SPAG1: variants seen among roughly 807,000 people sequenced by gnomAD.
SPAG1 encodes sperm associated antigen 1.
In SPAG1, 69 loss-of-function variants were observed where a neutral mutation model predicts 100.5. The observed-to-expected ratio is 0.69, with a 90% CI of 0.57 to 0.84. The LOEUF is 0.84. Ranked by LOEUF, SPAG1 falls within the 40% of genes least tolerant of loss-of-function variation. The probability of loss-of-function intolerance (pLI) is 0.00; values close to 1 mark genes in which losing one functional copy is unlikely to be tolerated. For synonymous variants in SPAG1, 336 were observed against 411.6 expected, an observed-to-expected ratio of 0.82 and a Z score of 2.22; for missense variants, 955 against 1,133.1, an observed-to-expected ratio of 0.84 and a Z score of 2.26.
Position 100,213,321 on chromosome 8 carries a change from A to C in SPAG1, c.1328A>C (p.Glu443Ala). 7.9e-7 allele frequency: 1 copy of C among 1,261,270 alleles called. No individual in the cohort carries two copies. The allele number at this position is 1,261,270 out of a possible 1,614,324, so 78.1% of individuals were successfully genotyped here. A position where few individuals can be genotyped will look rare whatever the true frequency, so the allele number is the denominator to read the frequency against. The change falls in exon 11 of 19, where the codon GAG becomes GCG. Residue 443 changes from glutamate to alanine, a missense_variant. Transcript: ENST00000388798. ...TGHPGGGQGAENPAGLKSQGN... is the reference protein window; with the variant it reads ...TGHPGGGQGAANPAGLKSQGN... ...CATCCGGGCGGCGGGCAGGGCGCGG[A>C]GAACCCTGCCGGCCTGAAGAGCCAG...
intron 7 of SPAG1, chr8:100,185,333 A>C (rs1024620013): frequency 6.6e-6 from 1 of 152,252 alleles, no homozygotes; most frequent in African/African-American, 2.4e-5. Flanking sequence ...TCTTCACCTT[A>C]CTTCTTTGGA....
intron 12 of SPAG1, among the ~76,000 whole-genome samples, chr8:100,218,238 G>A (rs556920326): frequency 5.1e-4 from 78 of 152,174 alleles, no homozygotes; most frequent in African/African-American, 1.8e-3. Context: ...ATACATGGGT[G>A]GTTTTTTTCC....
chr8:100,204,718 T>C (rs1049857257), intron 10 of SPAG1, among the ~76,000 whole-genome samples: 4 of 152,134 alleles, frequency 2.6e-5, no homozygotes, highest in Admixed American at 2.6e-4. Context: ...CCAGAAGATA[T>C]ACCCTTGATG....
intron 13 of SPAG1, 118 bp from the exon 14 acceptor site, chr8:100,225,055 G>C (rs1818444969): frequency 1.5e-6 from 1 of 666,566 alleles, no homozygotes; most frequent in Non-Finnish European, 2.6e-6. Context: ...AGGATTGCAT[G>C]TTTTCTACAA....
chr8:100,213,180 G>A lies in SPAG1; in HGVS notation c.1187G>A (p.Gly396Asp). 2 of 1,471,186 alleles carry A rather than the reference G, an allele frequency of 1.4e-6. No individual in the cohort carries two copies. The highest frequency in any genetic ancestry group is 1.8e-6 in the Non-Finnish European group (2 of 1,117,320). 91.1% of individuals were successfully genotyped at this position (1,471,186 alleles called of 1,614,324 possible). The change falls in exon 11 of 19, where the codon GGC becomes GAC. Residue 396 changes from glycine to aspartate, a missense_variant. Gly to Asp is a moderately conservative substitution (Grantham distance 94). Transcript: ENST00000388798. ...AAGCTGACTGGCAAAGCCGAAGGCGGCAAGCGGCCGGCAAGGGGCGCGCCG... is the reference window on the plus strand; with the variant it reads ...AAGCTGACTGGCAAAGCCGAAGGCGACAAGCGGCCGGCAAGGGGCGCGCCG... ...QKKLTGKAEG[G>D]KRPARGAPQR... is the part of the protein sequence containing the mutation.
At chr8:100,188,045 G>A (rs948786772) in intron 8 of SPAG1, among the ~76,000 whole-genome samples, 7 of 152,138 alleles carry the variant, frequency 4.6e-5, no homozygotes, top group Non-Finnish European at 8.8e-5. Context: ...TAGAGAGACG[G>A]GGTTTCACCA....
intron 2 of SPAG1, chr8:100,165,406 C>G (rs1341275229): frequency 6.5e-6 from 3 of 462,262 alleles, no homozygotes; most frequent in Admixed American, 2.4e-5. Context: ...GGTGTACTTT[C>G]AGGAACAGAG....
chr8:100,238,109 C>G (rs1819090046), intron 16 of SPAG1, among the ~76,000 whole-genome samples: 1 of 152,128 alleles, frequency 6.6e-6, no homozygotes, highest in South Asian at 2.1e-4. Context: ...TCAACTTGCC[C>G]TCCTGCTCCA....
chr8:100,162,620 T>C (rs897630680), intron 2 of SPAG1, among the ~76,000 whole-genome samples, 200 bp downstream of exon 2: 1 of 152,214 alleles, frequency 6.6e-6, no homozygotes, highest in Non-Finnish European at 1.5e-5. Flanking sequence ...GGCTAATTAA[T>C]ATCCAGGAGG....
chr8:100,210,656 C>A (rs78946133), intron 10 of SPAG1, among the ~76,000 whole-genome samples: 1 of 151,992 alleles, frequency 6.6e-6, no homozygotes, highest in African/African-American at 2.4e-5. Flanking sequence ...TCCTTATGAG[C>A]CTTTGAGTGA....
intron 10 of SPAG1, among the ~76,000 whole-genome samples, chr8:100,208,461 GA>G (rs755453481): frequency 3.3e-5 from 5 of 152,170 alleles, no homozygotes; most frequent in Admixed American, 6.6e-5. Flanking sequence ...CTTCAGGAAT[GA>G]AAGTTTGGAT....
At chr8:100,233,230 T>C in intron 15 of SPAG1, 181 bp from the exon 16 acceptor site, 1 of 591,728 alleles carries the variant, frequency 1.7e-6, no homozygotes, top group Non-Finnish European at 3.0e-6. Flanking sequence ...GCTGTGACTG[T>C]ATTTTGTTTG....
At chr8:100,159,653 T>A (rs189580118) in intron 1 of SPAG1, among the ~76,000 whole-genome samples, 213 of 152,372 alleles carry the variant, frequency 1.4e-3, no homozygotes, top group Non-Finnish European at 2.6e-3. Flanking sequence ...ATAATTTCCA[T>A]TTATATAGAC....
intron 9 of SPAG1, among the ~76,000 whole-genome samples, chr8:100,192,098 CAG>C (rs746428840): frequency 1.2e-4 from 18 of 152,160 alleles, no homozygotes; most frequent in Non-Finnish European, 2.4e-4. Context: ...CCAAGTCCCA[CAG>C]GGGTGACATA....
At position 100,225,294 on chromosome 8, in the gene SPAG1, A is replaced by G; in HGVS notation, c.1810A>G (p.Lys604Glu). 6 of 1,613,982 alleles carry G rather than the reference A, an allele frequency of 3.7e-6. No homozygotes were observed. Among genetic ancestry groups the G allele is most frequent in the Non-Finnish European group, 5.1e-6 (6 of 1,179,986 alleles). The change falls in exon 14 of 19, where the codon AAA becomes GAA. Residue 604 changes from lysine (K) to glutamate (E), a missense_variant. By Grantham distance (56) the Lys-to-Glu change is moderately conservative (BLOSUM62 1). Transcript: ENST00000388798. ...GCATCCGGCAAAAGAGATGATCTCAAAACAAGCAGGAGACTCCAGCAGCCA... is the reference window on the plus strand; with the variant it reads ...GCATCCGGCAAAAGAGATGATCTCAGAACAAGCAGGAGACTCCAGCAGCCA... The part of the protein sequence containing the change: ...AWHPAKEMIS[K>E]QAGDSSSHRQ...
intron 10 of SPAG1, among the ~76,000 whole-genome samples, chr8:100,212,003 T>A (rs1817736845): frequency 6.6e-6 from 1 of 152,246 alleles, no homozygotes; most frequent in Non-Finnish European, 1.5e-5. Flanking sequence ...GGAGCCTTAC[T>A]CTAATAACCC....
Position 100,239,370 on chromosome 8 carries a change from A to C in SPAG1, c.2246A>C (p.Lys749Thr), listed in dbSNP as rs774277572. ...AAGGATAAGACAGCACCATTCAACAAAGAAAAGGAGAGAAGGAAAATTGAG... is the reference window on the plus strand; with the variant it reads ...AAGGATAAGACAGCACCATTCAACACAGAAAAGGAGAGAAGGAAAATTGAG... The part of the protein sequence containing the change: ...NLKDKTAPFN[K>T]EKERRKIEIQ... The change falls in exon 17 of 19, where the codon AAA (lysine) becomes ACA (threonine). Residue 749 changes from lysine to threonine, a missense_variant. By Grantham distance (78) the Lys-to-Thr change is moderately conservative. Coordinates refer to ENST00000388798, the MANE Select transcript of SPAG1 (RefSeq NM_003114.5). The surrounding 1 kb of genome is among the most constrained non-coding windows in gnomAD (Gnocchi z 5.0). The C allele has an allele frequency of 5.0e-6, 8 of 1,606,244 alleles. No homozygotes were observed. Among genetic ancestry groups the C allele is most frequent in the Non-Finnish European group, 6.8e-6 (8 of 1,173,296 alleles).
At chr8:100,171,018 T>C (rs965718080) in intron 3 of SPAG1, among the ~76,000 whole-genome samples, 1 of 151,870 alleles carries the variant, frequency 6.6e-6, no homozygotes, top group Non-Finnish European at 1.5e-5. Flanking sequence ...GTTGAAGTTT[T>C]CTTCTGTTCC....
chr8:100,231,926 C>T (rs1463427778), intron 15 of SPAG1, among the ~76,000 whole-genome samples: 1 of 150,154 alleles, frequency 6.7e-6, no homozygotes, highest in East Asian at 1.9e-4. Flanking sequence ...AGCACCACTG[C>T]AGTCTGGCCT....
Sources: gnomAD v4.1 joint callset for allele counts (sites outside exome capture counted in the v4.1 genomes callset) on GRCh38, gnomAD v4.1.1 for gene constraint, Gnocchi (gnomAD v3.1) non-coding constraint, MANE v1.5 for transcripts, NCBI Gene and HGNC (gene_info 2026-07-23, HGNC 2026-07-21) for gene names.